The following TFPI variants were observed in gnomAD, a reference collection of about 807,000 sequenced individuals.
TFPI encodes the protein anti-convertin.
TFPI carries 15 observed loss-of-function variants against 34.6 expected under a neutral mutation model. That is an observed-to-expected ratio of 0.43 (90% CI 0.29 to 0.67). TFPI has a LOEUF of 0.67. Among genes scored for constraint, TFPI ranks in the 30% least tolerant of loss-of-function variants. The pLI, the probability that TFPI is intolerant of heterozygous loss-of-function variation, is 0.15. For missense variants in TFPI, 301 were observed against 364.0 expected, an observed-to-expected ratio of 0.83 and a Z score of 1.41; for synonymous variants, 105 against 120.1, an observed-to-expected ratio of 0.87 and a Z score of 0.82.
At chr2:187,473,877 A>T (rs1242381217) in intron 6 of TFPI, among the ~76,000 whole-genome samples, 2 of 151,988 alleles carry the variant, frequency 1.3e-5, no homozygotes, top group Non-Finnish European at 2.9e-5. Flanking sequence ...GTTGCCAGTG[A>T]ACTTAAAATT....
chr2:187,520,056 C>T lies in TFPI; in HGVS notation c.-2-16286G>A, dbSNP rs919226099. Among the ~76,000 whole-genome samples the T allele has an allele frequency of 3.9e-5, 6 of 152,144 alleles. 1 individual carries two copies. The highest frequency in any genetic ancestry group is 1.2e-4 in the African/African-American group (5 of 41,398). On this transcript the variant is annotated intron_variant, in intron 1 of 7. Transcript: ENST00000233156. The stretch of plus-strand genomic sequence containing the variant: ...ACTGCTATGCTAGCAGCAAGAATTT[C>T]AAGCCAATGAATGTTAGCTTACTGG...
chr2:187,511,573 C>G (rs1015554855), intron 1 of TFPI, among the ~76,000 whole-genome samples: 5 of 152,148 alleles, frequency 3.3e-5, no homozygotes, highest in Non-Finnish European at 4.4e-5. Context: ...TGGTGTTACT[C>G]TGACACCAGG....
At chr2:187,544,350 T>A (rs1256078148) in intron 1 of TFPI, among the ~76,000 whole-genome samples, 2 of 152,180 alleles carry the variant, frequency 1.3e-5, no homozygotes, top group Non-Finnish European at 2.9e-5. Context: ...TATTTACACT[T>A]AAATTACACT....
At chr2:187,484,428 A>C (rs1693107369) in intron 5 of TFPI, 1 of 550,872 alleles carries the variant, frequency 1.8e-6, no homozygotes, top group Non-Finnish European at 3.2e-6. Context: ...GTAGCAGTTA[A>C]TGTTTAAGTC....
chr2:187,478,512 C>T lies in TFPI; in HGVS notation c.628+5612G>A, dbSNP rs1692548646. On this transcript the variant is annotated intron_variant, in intron 6 of 7. Coordinates refer to ENST00000233156, the MANE Select transcript of TFPI (RefSeq NM_006287.6). Reference sequence around the variant, plus strand: ...AAAAGACTCACAACTAGCACGAACTCCTGAGAATATTCATTTTTCTTTGCT... The same window carrying T: ...AAAAGACTCACAACTAGCACGAACTTCTGAGAATATTCATTTTTCTTTGCT... The T allele has an allele frequency of 3.7e-6, 4 of 1,091,022 alleles. No homozygotes were observed. The South Asian group carries it at 8.7e-5, about 24-fold the overall frequency. The allele number at this position is 1,091,022 out of a possible 1,614,324, so 67.6% of individuals were successfully genotyped here. A position where few individuals can be genotyped will look rare whatever the true frequency, so the allele number is the denominator to read the frequency against.
intron 1 of TFPI, among the ~76,000 whole-genome samples, chr2:187,535,104 T>C (rs1688177444): frequency 6.6e-6 from 1 of 152,058 alleles, no homozygotes; most frequent in Non-Finnish European, 1.5e-5. Flanking sequence ...ATTAGAGACC[T>C]ACGAAGAGAT....
intron 2 of TFPI, among the ~76,000 whole-genome samples, chr2:187,500,011 T>TCTA (rs1685747330): frequency 1.3e-5 from 2 of 152,202 alleles, no homozygotes; most frequent in South Asian, 4.1e-4. Flanking sequence ...TGATGATTTT[T>TCTA]CTACTTTTTA....
At chr2:187,536,144 T>A (rs1357328760) in intron 1 of TFPI, among the ~76,000 whole-genome samples, 1 of 152,234 alleles carries the variant, frequency 6.6e-6, no homozygotes, top group Non-Finnish European at 1.5e-5. Context: ...AGCCGAATTC[T>A]ACCAGAAGTA....
chr2:187,535,872 T>C (rs543763021), intron 1 of TFPI, among the ~76,000 whole-genome samples: 1 of 152,108 alleles, frequency 6.6e-6, no homozygotes, highest in East Asian at 1.9e-4. Context: ...AAGAATCAAA[T>C]AGACACAATA....
intron 2 of TFPI, among the ~76,000 whole-genome samples, chr2:187,497,966 T>A (rs1034302062): frequency 6.6e-6 from 1 of 151,892 alleles, no homozygotes; most frequent in Non-Finnish European, 1.5e-5. Context: ...TTTCTGCATA[T>A]TGAGTCTATG....
chr2:187,539,835 A>G (rs1409888762), intron 1 of TFPI, among the ~76,000 whole-genome samples: 1 of 152,202 alleles, frequency 6.6e-6, no homozygotes, highest in East Asian at 1.9e-4. Context: ...TTTGTATTCA[A>G]CATGCTTATT....
At chr2:187,508,170 A>G (rs1006239784) in intron 1 of TFPI, among the ~76,000 whole-genome samples, 5 of 152,084 alleles carry the variant, frequency 3.3e-5, no homozygotes, top group Non-Finnish European at 5.9e-5. Flanking sequence ...ATTGGTCTAT[A>G]TATCTGTTTT....
intron 1 of TFPI, among the ~76,000 whole-genome samples, chr2:187,528,185 AC>A (rs1209055328): frequency 9.2e-5 from 14 of 152,148 alleles, no homozygotes; most frequent in Middle Eastern, 3.2e-3. Flanking sequence ...TTCAGCCCAA[AC>A]CCTAATTAAC....
chr2:187,544,506 C>T (rs1293568574), intron 1 of TFPI: 1 of 152,134 alleles, frequency 6.6e-6, no homozygotes, highest in Non-Finnish European at 1.5e-5. Context: ...AATCAAACCT[C>T]CGTTATAATT....
At chr2:187,527,504 C>T (rs575573252) in intron 1 of TFPI, among the ~76,000 whole-genome samples, 3 of 152,246 alleles carry the variant, frequency 2.0e-5, no homozygotes, top group South Asian at 2.1e-4. Context: ...ACATTTGCCA[C>T]GTACCAAATT....
chr2:187,480,995 T>C (rs964819063), intron 6 of TFPI, among the ~76,000 whole-genome samples: 1 of 152,100 alleles, frequency 6.6e-6, no homozygotes, highest in African/African-American at 2.4e-5. Context: ...TAAAAAGTCA[T>C]ATTATGATAA....
At chr2:187,474,306 G>A (rs1378585591) in intron 6 of TFPI, among the ~76,000 whole-genome samples, 1 of 152,094 alleles carries the variant, frequency 6.6e-6, no homozygotes, top group Non-Finnish European at 1.5e-5. Flanking sequence ...GCATATGGGT[G>A]AAGGAAAGTG....
At chr2:187,542,736 G>T (rs759535247) in intron 1 of TFPI, among the ~76,000 whole-genome samples, 4 of 151,914 alleles carry the variant, frequency 2.6e-5, no homozygotes, top group Non-Finnish European at 5.9e-5. Context: ...GCGTGGTGGC[G>T]TGTGCCTGTA....
intron 1 of TFPI, among the ~76,000 whole-genome samples, chr2:187,540,381 G>T (rs1036341013): frequency 6.6e-6 from 1 of 152,100 alleles, no homozygotes; most frequent in Non-Finnish European, 1.5e-5. Flanking sequence ...AGTATAGGGG[G>T]ATTAATGCTG....
Sources: allele counts gnomAD v4.1 joint callset (sites outside exome capture counted in the v4.1 genomes callset), GRCh38; gene constraint gnomAD v4.1.1; transcripts MANE v1.5; gene names NCBI Gene and HGNC (gene_info 2026-07-23, HGNC 2026-07-21).